Variants in MYZAP observed in about 807,000 individuals in gnomAD.
MYZAP encodes GRINL1A complex locus upstream.
A neutral mutation model predicts 69.4 loss-of-function variants in MYZAP; 66 were observed. The ratio of observed to expected loss-of-function variants is 0.95; its 90% CI spans 0.78 to 1.17. The LOEUF (loss-of-function observed/expected upper bound fraction) is 1.17. MYZAP is among the 50% of genes most tolerant of loss of function. The pLI is 0.00. For missense variants in MYZAP, 611 were observed against 556.2 expected (o/e 1.10, Z -0.99); for synonymous variants, 256 against 205.9 (o/e 1.24, Z -2.09).
intron 1 of MYZAP, among the ~76,000 whole-genome samples, chr15:57,594,560 C>T (rs1467220633): frequency 6.6e-6 from 1 of 152,146 alleles, no homozygotes; most frequent in Non-Finnish European, 1.5e-5. Flanking sequence ...ACATTTTGGT[C>T]AACAGTAGCC....
intron 3 of MYZAP, among the ~76,000 whole-genome samples, chr15:57,618,742 A>G (rs766940894): frequency 6.6e-6 from 1 of 152,178 alleles, no homozygotes; most frequent in Non-Finnish European, 1.5e-5. Flanking sequence ...TAATCTCACT[A>G]TTCATCCAGA....
intron 10 of MYZAP, among the ~76,000 whole-genome samples, chr15:57,642,701 C>T (rs1398057114): frequency 3.3e-5 from 5 of 152,154 alleles, no homozygotes; most frequent in Non-Finnish European, 7.4e-5. Context: ...GTCACTACTG[C>T]GATCCTTGGG....
In MYZAP at chr15:57,604,360, G is replaced by A. The variant is rs756472292; in HGVS notation, c.162+5G>A. ...AAGATTGAGAGAAAAGAGCAGGTAA[G>A]GTATCTCCGAGGCAAAGCCCCAACA... On this transcript the variant is annotated splice_donor_5th_base_variant and intron_variant, in intron 2 of 12. Transcript: ENST00000267853. 27 of 1,614,006 alleles carry A rather than the reference G, an allele frequency of 1.7e-5. No homozygotes were observed. Among genetic ancestry groups the A allele is most frequent in the Non-Finnish European group, 1.9e-5 (23 of 1,180,022 alleles).
At chr15:57,668,091 A>G (rs2038676241) in intron 11 of MYZAP, among the ~76,000 whole-genome samples, 1 of 152,228 alleles carries the variant, frequency 6.6e-6, no homozygotes, top group South Asian at 2.1e-4. Context: ...TTCACTCAGC[A>G]TAATGATTTG....
chr15:57,681,822 A>C (rs2039462084), intron 12 of MYZAP, among the ~76,000 whole-genome samples: 1 of 151,950 alleles, frequency 6.6e-6, no homozygotes, highest in Non-Finnish European at 1.5e-5. Context: ...AAGCCTGTAT[A>C]ATAGTGATGT....
At chr15:57,667,458 T>C (rs536914906) in intron 11 of MYZAP, among the ~76,000 whole-genome samples, 1 of 152,316 alleles carries the variant, frequency 6.6e-6, no homozygotes, top group South Asian at 2.1e-4. Context: ...GGGGTGGTGT[T>C]TGAAAGCAGG....
chr15:57,648,406 CTA>C, intron 10 of MYZAP: 13 of 985,382 alleles, frequency 1.3e-5, no homozygotes, highest in Non-Finnish European at 1.6e-5. Context: ...GCCATAGAAA[CTA>C]TGTGAGGCTG....
intron 12 of MYZAP, among the ~76,000 whole-genome samples, chr15:57,680,485 TCA>T (rs71950892): frequency 0.61 from 86,485 of 142,726 alleles, 27,214 homozygotes; most frequent in East Asian, 0.74. Flanking sequence ...GTTCAGGAGT[TCA>T]CACACACACA....
intron 3 of MYZAP, among the ~76,000 whole-genome samples, chr15:57,621,215 T>TTG (rs1555457960): frequency 2.1e-5 from 3 of 144,618 alleles, no homozygotes; most frequent in East Asian, 4.0e-4. Context: ...CTTTTTTTTT[T>TTG]TTTTTTGTTT....
At chr15:57,664,004 C>G (rs2038443034) in intron 11 of MYZAP, among the ~76,000 whole-genome samples, 1 of 151,412 alleles carries the variant, frequency 6.6e-6, no homozygotes. Context: ...TACATTTAGA[C>G]TTAAACCTAT....
chr15:57,597,696 CA>C (rs1242240616), intron 1 of MYZAP, among the ~76,000 whole-genome samples: 3 of 152,200 alleles, frequency 2.0e-5, no homozygotes, highest in African/African-American at 7.2e-5. Context: ...GAATGGTTTT[CA>C]CAGGGGCCTG....
intron 6 of MYZAP, among the ~76,000 whole-genome samples, chr15:57,630,411 C>G (rs1176709081): frequency 3.3e-5 from 5 of 152,208 alleles, no homozygotes; most frequent in Non-Finnish European, 5.9e-5. Flanking sequence ...TCTGGGACGT[C>G]AGAAGCCTTG....
intron 2 of MYZAP, among the ~76,000 whole-genome samples, chr15:57,617,119 A>G (rs2035516444): frequency 6.6e-6 from 1 of 152,014 alleles, no homozygotes; most frequent in Admixed American, 6.6e-5. Context: ...GCTTAATGTC[A>G]GACAGAATCA....
At chr15:57,637,605 T>G (rs1595895451) in intron 8 of MYZAP, 90 bp from the exon 9 acceptor site, 1 of 1,437,526 alleles carries the variant, frequency 7.0e-7, no homozygotes, top group East Asian at 2.4e-5. Context: ...TCATATAGAC[T>G]TGGACTCCCT....
intron 10 of MYZAP, among the ~76,000 whole-genome samples, chr15:57,643,662 G>A (rs1170221190): frequency 6.6e-6 from 1 of 152,078 alleles, no homozygotes; most frequent in Non-Finnish European, 1.5e-5. Context: ...CTTCCAAGAG[G>A]GTGGGTTTAC....
chr15:57,601,361 G>A (rs2140326168), intron 1 of MYZAP, among the ~76,000 whole-genome samples: 1 of 151,884 alleles, frequency 6.6e-6, no homozygotes, highest in Admixed American at 6.6e-5. Flanking sequence ...ACTAGACCCA[G>A]CCTAATAGGA....
At chr15:57,662,860 C>T (rs748198240) in intron 11 of MYZAP, among the ~76,000 whole-genome samples, 1 of 152,202 alleles carries the variant, frequency 6.6e-6, no homozygotes, top group Non-Finnish European at 1.5e-5. Flanking sequence ...GGTTGCCTTA[C>T]AGCAGTCATA....
intron 1 of MYZAP, among the ~76,000 whole-genome samples, chr15:57,603,497 T>C (rs1159675396): frequency 6.6e-6 from 1 of 152,184 alleles, no homozygotes; most frequent in Non-Finnish European, 1.5e-5. Flanking sequence ...TTTCCCTGTA[T>C]CCTTACCCCC....
chr15:57,600,630 C>G (rs1158616304), intron 1 of MYZAP, among the ~76,000 whole-genome samples: 1 of 152,160 alleles, frequency 6.6e-6, no homozygotes, highest in Non-Finnish European at 1.5e-5. Flanking sequence ...TTAAGGATTA[C>G]CCCTCTAAAA....
Sources: gnomAD v4.1 joint callset for allele counts (sites outside exome capture counted in the v4.1 genomes callset) on GRCh38, gnomAD v4.1.1 for gene constraint, MANE v1.5 for transcripts, NCBI Gene and HGNC (gene_info 2026-07-23, HGNC 2026-07-21) for gene names.